The following CENPP variants were observed in gnomAD, a reference collection of about 807,000 sequenced individuals.
CENPP encodes the protein centromere protein P.
Under a neutral mutation model 35.6 loss-of-function variants are expected in CENPP, and 24 were observed. The observed-to-expected ratio is 0.67, with a 90% CI of 0.49 to 0.95. The LOEUF (loss-of-function observed/expected upper bound fraction) is 0.95. CENPP is among the 40% of genes least tolerant of loss of function. CENPP has a pLI of 0.00. For synonymous variants in CENPP, 120 were observed against 125.5 expected, an observed-to-expected ratio of 0.96 and a Z score of 0.29; for missense variants, 332 against 345.3, an observed-to-expected ratio of 0.96 and a Z score of 0.31.
At chr9:92,581,409 A>T (rs1399447191) in intron 5 of CENPP, among the ~76,000 whole-genome samples, 1 of 152,166 alleles carries the variant, frequency 6.6e-6, no homozygotes, top group African/African-American at 2.4e-5. Context: ...AGAAACTCAC[A>T]CCTAAATATA....
chr9:92,412,073 GAATTAATT>G (rs894184002), intron 5 of CENPP, among the ~76,000 whole-genome samples: 1 of 151,996 alleles, frequency 6.6e-6, no homozygotes, highest in Non-Finnish European at 1.5e-5. Context: ...TTTAATTAAT[GAATTAATT>G]AATTAATTAA....
At chr9:92,546,511 C>T (rs550107626) in intron 5 of CENPP, among the ~76,000 whole-genome samples, 10 of 152,208 alleles carry the variant, frequency 6.6e-5, no homozygotes, top group Admixed American at 3.9e-4. Context: ...CAACTCCAGA[C>T]GCACCGCCTT....
At chr9:92,368,721 A>G (rs905346906) in intron 4 of CENPP, among the ~76,000 whole-genome samples, 20 of 152,168 alleles carry the variant, frequency 1.3e-4, no homozygotes, top group African/African-American at 4.6e-4. Context: ...GTTCATATGC[A>G]CTGCATGATT....
intron 5 of CENPP, chr9:92,404,733 G>T: frequency 2.0e-6 from 2 of 1,013,320 alleles, no homozygotes; most frequent in Non-Finnish European, 2.5e-6. Flanking sequence ...TAAGTTATTT[G>T]TTGTAACTGC....
intron 5 of CENPP, among the ~76,000 whole-genome samples, chr9:92,450,947 G>GT (rs897480544): frequency 6.6e-6 from 1 of 151,838 alleles, no homozygotes; most frequent in African/African-American, 2.4e-5. Context: ...GGGGTTGTTT[G>GT]TTTTTTTCTT....
rs543350599 is a variant in CENPP at position 92,360,404 on chromosome 9, A to C, written c.467+14617A>C. ...ACAAAGGAAGACCCTATCTCTACAA[A>C]AACAACAACAAAATTAGCTTATTGT... On this transcript the variant is annotated intron_variant, in intron 4 of 7. Transcript: ENST00000375587. Among the ~76,000 whole-genome samples, 7 of 152,254 alleles carry C rather than the reference A, an allele frequency of 4.6e-5. 1 individual carries two copies. In the East Asian group the frequency reaches 1.4e-3, roughly 29 times the overall value.
chr9:92,403,369 A>G, intron 5 of CENPP: 2 of 1,613,318 alleles, frequency 1.2e-6, no homozygotes, highest in Non-Finnish European at 1.7e-6. Flanking sequence ...TCAGAGGCAC[A>G]AGCAGTAACA....
intron 5 of CENPP, among the ~76,000 whole-genome samples, chr9:92,562,502 T>C (rs1254675235): frequency 6.6e-6 from 1 of 151,842 alleles, no homozygotes; most frequent in Non-Finnish European, 1.5e-5. Flanking sequence ...CACCGCGCCC[T>C]GCCCCAGTTT....
chr9:92,553,267 T>C (rs1849652189), intron 5 of CENPP, among the ~76,000 whole-genome samples: 1 of 152,260 alleles, frequency 6.6e-6, no homozygotes, highest in African/African-American at 2.4e-5. Flanking sequence ...TCCATTGGTC[T>C]ATATGCCTAT....
chr9:92,416,251 C>T, intron 5 of CENPP, among the ~76,000 whole-genome samples: 1 of 151,594 alleles, frequency 6.6e-6, no homozygotes, highest in East Asian at 1.9e-4. Context: ...AGGCACATGC[C>T]ACCATGCCTG....
intron 5 of CENPP, among the ~76,000 whole-genome samples, chr9:92,569,845 G>A (rs547195591): frequency 2.6e-5 from 4 of 152,250 alleles, no homozygotes; most frequent in Admixed American, 2.6e-4. Flanking sequence ...TGAAGCAATT[G>A]TGAATGGGAG....
intron 5 of CENPP, chr9:92,464,595 C>A (rs1588149789): frequency 4.3e-6 from 2 of 464,772 alleles, no homozygotes; most frequent in East Asian, 6.2e-5. Context: ...CTGCTTTCTT[C>A]TGTATAGAAT....
chr9:92,515,948 C>T (rs1348850475), intron 5 of CENPP, among the ~76,000 whole-genome samples: 3 of 152,212 alleles, frequency 2.0e-5, no homozygotes, highest in Middle Eastern at 3.4e-3. Flanking sequence ...AGTTAATCTA[C>T]ATTTATATTT....
intron 5 of CENPP, among the ~76,000 whole-genome samples, chr9:92,416,098 A>ATTT (rs1354339127): frequency 5.5e-4 from 73 of 133,500 alleles, no homozygotes; most frequent in African/African-American, 2.2e-3. Flanking sequence ...TTATTTATTT[A>ATTT]TTTTATTTTT....
intron 5 of CENPP, among the ~76,000 whole-genome samples, chr9:92,607,865 T>A (rs1851124993): frequency 6.6e-6 from 1 of 152,236 alleles, no homozygotes; most frequent in Admixed American, 6.5e-5. Context: ...AAACTGGGGC[T>A]GGATATCAAA....
Position 92,342,362 on chromosome 9 carries a change from GA to G in CENPP, c.379-3330del, listed in dbSNP as rs560323540. On this transcript the variant is annotated intron_variant, in intron 3 of 7. Coordinates refer to ENST00000375587, the MANE Select transcript of CENPP (RefSeq NM_001012267.3). ...CTATATGCTTTAGCGGATGCAGGGGGAAAAAAATCTAAGGAGAGGAACTGTA... is the reference window on the plus strand; with the variant it reads ...CTATATGCTTTAGCGGATGCAGGGGGAAAAAATCTAAGGAGAGGAACTGTA... Among the ~76,000 whole-genome samples the G allele has an allele frequency of 2.8e-4, 42 of 152,248 alleles. No individual in the cohort carries two copies. In the East Asian group the frequency reaches 7.1e-3, roughly 26 times the overall value.
intron 5 of CENPP, among the ~76,000 whole-genome samples, chr9:92,496,689 A>C (rs1846363538): frequency 6.6e-6 from 1 of 152,188 alleles, no homozygotes; most frequent in African/African-American, 2.4e-5. Flanking sequence ...ACACCCTCTG[A>C]CTCGGGAGAT....
chr9:92,420,955 G>A (rs1375908293), intron 5 of CENPP, among the ~76,000 whole-genome samples: 1 of 152,172 alleles, frequency 6.6e-6, no homozygotes, highest in Non-Finnish European at 1.5e-5. Context: ...CAAAAACATA[G>A]AAGCAACAGA....
chr9:92,515,911 G>A (rs1847674429), intron 5 of CENPP, among the ~76,000 whole-genome samples: 1 of 152,136 alleles, frequency 6.6e-6, no homozygotes, highest in South Asian at 2.1e-4. Flanking sequence ...TTCCATGATG[G>A]TGGGAGTAGA....
Sources: gnomAD v4.1 joint callset for allele counts (sites outside exome capture counted in the v4.1 genomes callset) on GRCh38, gnomAD v4.1.1 for gene constraint, MANE v1.5 for transcripts, NCBI Gene and HGNC (gene_info 2026-07-23, HGNC 2026-07-21) for gene names.